The following ANO4 variants were observed in gnomAD, a reference collection of about 807,000 sequenced individuals.
The protein encoded by ANO4 is anoctamin-4.
Under a neutral mutation model 141.9 loss-of-function variants are expected in ANO4, and 69 were observed. That is an observed-to-expected ratio of 0.49 (90% CI 0.40 to 0.59). The LOEUF is 0.59. Ranked by LOEUF, ANO4 falls within the 20% of genes least tolerant of loss-of-function variation. ANO4 has a pLI of 0.00. For missense variants in ANO4, 894 were observed against 1,162.2 expected (o/e 0.77, Z 3.36); for synonymous variants, 350 against 394.3 (o/e 0.89, Z 1.33).
At chr12:101,031,700 A>G (rs2046983479) in intron 9 of ANO4, among the ~76,000 whole-genome samples, 1 of 152,198 alleles carries the variant, frequency 6.6e-6, no homozygotes, top group African/African-American at 2.4e-5. Context: ...CTCAGCCAAA[A>G]ATTTCCTTAA....
chr12:100,999,039 G>C (rs1033305096), intron 8 of ANO4, among the ~76,000 whole-genome samples: 1 of 152,202 alleles, frequency 6.6e-6, no homozygotes, highest in African/African-American at 2.4e-5. Flanking sequence ...GTAGGGCCTG[G>C]ATTTCAAGGC....
upstream of ANO4, among the ~76,000 whole-genome samples, chr12:100,790,556 C>G (rs2034010147): frequency 6.6e-6 from 1 of 151,972 alleles, no homozygotes; most frequent in Non-Finnish European, 1.5e-5. Context: ...TTGGTGCACA[C>G]ACACATACTT....
chr12:100,947,155 T>C (rs2042760630), intron 5 of ANO4, among the ~76,000 whole-genome samples: 1 of 152,200 alleles, frequency 6.6e-6, no homozygotes, highest in Non-Finnish European at 1.5e-5. Context: ...AACTGGAGTA[T>C]GAAGTTTGGT....
intron 22 of ANO4, among the ~76,000 whole-genome samples, chr12:101,102,427 CTCA>C (rs1224235399): frequency 6.6e-6 from 1 of 152,152 alleles, no homozygotes; most frequent in African/African-American, 2.4e-5. Context: ...GCAGCAGTAT[CTCA>C]TCATGATTTT....
upstream of ANO4, among the ~76,000 whole-genome samples, chr12:100,794,007 A>G (rs1426762251): frequency 6.6e-6 from 1 of 152,192 alleles, no homozygotes; most frequent in Non-Finnish European, 1.5e-5. Flanking sequence ...TTTGTCTTAT[A>G]GGTGATTTAA....
In ANO4 at chr12:101,071,089, C is replaced by T. The variant is rs530333847; in HGVS notation, c.1313-8104C>T. On this transcript the variant is annotated intron_variant, in intron 14 of 27. Transcript: ENST00000392977. The stretch of plus-strand genomic sequence containing the variant: ...TTGGTGGGGATATAAATTAGTACAA[C>T]CACTATGAAGAAAAGTTTCGAGGTT... Among the ~76,000 whole-genome samples the T allele has an allele frequency of 9.2e-5, 14 of 152,222 alleles. No individual in the cohort carries two copies. In the East Asian group the frequency reaches 2.3e-3, roughly 25 times the overall value.
At chr12:100,876,335 A>G (rs954858300) in intron 1 of ANO4, among the ~76,000 whole-genome samples, 2 of 150,862 alleles carry the variant, frequency 1.3e-5, no homozygotes, top group Admixed American at 1.3e-4. Flanking sequence ...AGTGATGTCG[A>G]CAAGAGCCAT....
At chr12:100,761,355 C>T (rs1256263112) in intron 3 of ANO4, among the ~76,000 whole-genome samples, 3 of 152,158 alleles carry the variant, frequency 2.0e-5, no homozygotes, top group Non-Finnish European at 4.4e-5. Flanking sequence ...TCACAAGGCT[C>T]AGCACATACT....
chr12:101,068,765 C>G (rs1168574610), intron 14 of ANO4: 27 of 1,266,998 alleles, frequency 2.1e-5, no homozygotes, highest in Non-Finnish European at 3.0e-5. Context: ...CACACTGCAG[C>G]CTGCTTACAT....
chr12:100,875,026 G>A (rs1819914890), intron 1 of ANO4, among the ~76,000 whole-genome samples: 1 of 152,180 alleles, frequency 6.6e-6, no homozygotes, highest in Non-Finnish European at 1.5e-5. Flanking sequence ...GGACCATGGA[G>A]TTTTGAATTA....
chr12:100,880,108 A>C (rs968971939), intron 1 of ANO4, among the ~76,000 whole-genome samples: 1 of 152,180 alleles, frequency 6.6e-6, no homozygotes, highest in African/African-American at 2.4e-5. Flanking sequence ...TAGCATGGCT[A>C]TAGGAAGAAG....
chr12:100,912,267 G>A (rs2136068384), intron 2 of ANO4, among the ~76,000 whole-genome samples: 1 of 151,716 alleles, frequency 6.6e-6, no homozygotes, highest in African/African-American at 2.4e-5. Flanking sequence ...TTGTAGTGCA[G>A]GCTTGTAATC....
At chr12:101,097,230 C>T (rs1398666586) in intron 19 of ANO4, among the ~76,000 whole-genome samples, 1 of 152,106 alleles carries the variant, frequency 6.6e-6, no homozygotes, top group Middle Eastern at 3.2e-3. Flanking sequence ...ATCAACACAG[C>T]AGTCTCTCCT....
intron 2 of ANO4, among the ~76,000 whole-genome samples, chr12:100,906,348 G>GT (rs1171485023): frequency 3.3e-5 from 5 of 152,148 alleles, no homozygotes. Flanking sequence ...TTCCCAGAGG[G>GT]TTCAAAAAAT....
chr12:101,073,087 T>C (rs1231010281), intron 14 of ANO4, among the ~76,000 whole-genome samples: 1 of 152,224 alleles, frequency 6.6e-6, no homozygotes, highest in East Asian at 1.9e-4. Context: ...TTACTGGGTA[T>C]GTACCCAAAG....
intron 1 of ANO4, among the ~76,000 whole-genome samples, chr12:100,843,549 A>G (rs1285566338): frequency 1.3e-5 from 2 of 152,196 alleles, no homozygotes; most frequent in African/African-American, 4.8e-5. Flanking sequence ...GGCCTTACCA[A>G]TATCAAACAA....
rs56891905 is a variant in ANO4, at chr12:101,086,080, C to CTGTGTGTGTGTGTG, written c.1537-548_1537-535dup. Among the ~76,000 whole-genome samples, 99 of 131,796 alleles carry CTGTGTGTGTGTGTG rather than the reference C, an allele frequency of 7.5e-4. 2 individuals carry two copies. Among genetic ancestry groups the CTGTGTGTGTGTGTG allele is most frequent in the Middle Eastern group, 3.8e-3 (1 of 260 alleles). The allele number at this position is 131,796 out of a possible 152,430, so 86.5% of individuals were successfully genotyped here. The stretch of plus-strand genomic sequence containing the variant: ...GAAGGATGAGTAGGTGTTAACTAGG[C>CTGTGTGTGTGTGTG]TGTGTGTGTGTGTGTGTGTGTGTGT... On this transcript the variant is annotated intron_variant, in intron 16 of 27. Transcript: ENST00000392977.
chr12:100,777,270 T>A (rs12829108), intron 3 of ANO4, among the ~76,000 whole-genome samples: 2 of 44,856 alleles, frequency 4.5e-5, no homozygotes, highest in Non-Finnish European at 8.4e-5. Flanking sequence ...TTTTTGTATC[T>A]TTTTTTTTTT....
At chr12:100,938,798 G>A (rs117027980) in intron 3 of ANO4, among the ~76,000 whole-genome samples, 1 of 152,264 alleles carries the variant, frequency 6.6e-6, no homozygotes, top group Non-Finnish European at 1.5e-5. Context: ...ATGCTTTATT[G>A]TTGCATTAGG....
Sources: allele counts gnomAD v4.1 joint callset (sites outside exome capture counted in the v4.1 genomes callset), GRCh38; gene constraint gnomAD v4.1.1; transcripts MANE v1.5; gene names NCBI Gene and HGNC (gene_info 2026-07-23, HGNC 2026-07-21).